The following BACH2 variants were observed in gnomAD, a reference collection of about 807,000 sequenced individuals.
The protein encoded by BACH2 is BACH transcriptional regulator 2.
Under a neutral mutation model 61.8 loss-of-function variants are expected in BACH2, and 5 were observed. The observed-to-expected ratio is 0.08, with a 90% CI of 0.04 to 0.17. The LOEUF is 0.17. Ranked by LOEUF, BACH2 falls within the 10% of genes least tolerant of loss-of-function variation. BACH2 has a pLI of 1.00. For missense variants in BACH2, 824 were observed against 1,091.1 expected, an observed-to-expected ratio of 0.76 and a Z score of 3.45; for synonymous variants, 446 against 440.1, an observed-to-expected ratio of 1.01 and a Z score of -0.17.
At position 90,085,968 on chromosome 6, in the gene BACH2, A is replaced by G. The variant is rs1274564536; in HGVS notation, c.-13+2993T>C. 3.3e-5 allele frequency among the ~76,000 whole-genome samples: 5 copies of G among 152,060 alleles called. No individual in the cohort carries two copies. In the South Asian group the frequency reaches 6.2e-4, roughly 19 times the overall value. ...CTTCCCAAACTGATACTTAATATCC[A>G]TTGAACAACAACTTTCAATTTTTCC... On this transcript the variant is annotated intron_variant, in intron 5 of 8. Transcript: ENST00000257749.
At chr6:90,014,468 A>ATATATATATTTT (rs1222156456) in intron 5 of BACH2, among the ~76,000 whole-genome samples, 1 of 32,306 alleles carries the variant, frequency 3.1e-5, no homozygotes, top group African/African-American at 2.1e-4. Context: ...ATATATATAT[A>ATATATATATTTT]TTTTTTTTTT....
At chr6:89,970,699 GC>G (rs141542844) in intron 6 of BACH2, among the ~76,000 whole-genome samples, 4 of 151,556 alleles carry the variant, frequency 2.6e-5, no homozygotes, top group Admixed American at 6.6e-5. Context: ...TTTGTTTCTG[GC>G]CCCCCCCAGA....
intron 4 of BACH2, among the ~76,000 whole-genome samples, chr6:90,112,226 A>AT (rs1462611727): frequency 6.6e-6 from 1 of 152,032 alleles, no homozygotes; most frequent in African/African-American, 2.4e-5. Flanking sequence ...TTATTTATTT[A>AT]TTTTTTTGAG....
At chr6:90,094,035 GA>G (rs1318623918) in intron 4 of BACH2, among the ~76,000 whole-genome samples, 1 of 152,212 alleles carries the variant, frequency 6.6e-6, no homozygotes, top group Non-Finnish European at 1.5e-5. Context: ...CCAGATATGG[GA>G]AATTATCTGT....
chr6:90,051,517 C>G (rs186146897), intron 5 of BACH2, among the ~76,000 whole-genome samples: 166 of 152,284 alleles, frequency 1.1e-3, no homozygotes, highest in African/African-American at 3.8e-3. Flanking sequence ...GTGAGAGAGA[C>G]TATGGCCCAC....
intron 5 of BACH2, chr6:90,080,795 T>A: frequency 6.1e-6 from 6 of 985,248 alleles, no homozygotes; most frequent in Non-Finnish European, 7.2e-6. Context: ...AGAGGAAATG[T>A]TCTTTCATCG....
intron 4 of BACH2, among the ~76,000 whole-genome samples, chr6:90,124,877 C>T (rs572799376): frequency 5.3e-5 from 8 of 152,312 alleles, no homozygotes; most frequent in African/African-American, 1.7e-4. Context: ...AGTGACCTTG[C>T]ACACGAATGC....
rs1451646565 is a variant in BACH2, at chr6:90,176,026, G to C, written c.-162+30543C>G. Among the ~76,000 whole-genome samples the C allele has an allele frequency of 2.0e-5, 3 of 152,122 alleles. No individual in the cohort carries two copies. In the East Asian group the frequency reaches 5.8e-4, roughly 29 times the overall value. ...GAAACTCCAATAAAGGCTGTGGCTG[G>C]CCCAAGCTCTCCCCTGGCTCCTGCC... On this transcript the variant is annotated intron_variant, in intron 4 of 8. Coordinates refer to ENST00000257749, the MANE Select transcript of BACH2 (RefSeq NM_021813.4).
At chr6:89,963,062 TA>T (rs1346988650) in intron 6 of BACH2, among the ~76,000 whole-genome samples, 1 of 152,058 alleles carries the variant, frequency 6.6e-6, no homozygotes, top group Admixed American at 6.6e-5. Flanking sequence ...ATAACCCAAC[TA>T]AAAGTAGGCA....
intron 3 of BACH2, among the ~76,000 whole-genome samples, chr6:90,233,727 G>A (rs1426091208): frequency 6.6e-6 from 1 of 152,170 alleles, no homozygotes; most frequent in African/African-American, 2.4e-5. Flanking sequence ...TTGAGGAACT[G>A]CTGGTGGCCA....
Position 90,194,462 on chromosome 6 carries a change from C to G in BACH2, c.-162+12107G>C, listed in dbSNP as rs1290421848. ...TTATAGAAAAGCTAGGATGATTCAG[C>G]CTGAGCTCAGAGCTCAATTTAGATC... On this transcript the variant is annotated intron_variant, in intron 4 of 8. Coordinates refer to ENST00000257749, the MANE Select transcript of BACH2 (RefSeq NM_021813.4). Among the ~76,000 whole-genome samples, 4 of 152,226 alleles carry G rather than the reference C, an allele frequency of 2.6e-5. No individual in the cohort carries two copies. In the South Asian group the frequency reaches 6.2e-4, roughly 24 times the overall value.
At chr6:89,992,803 C>T (rs987532642) in intron 6 of BACH2, among the ~76,000 whole-genome samples, 23 of 152,146 alleles carry the variant, frequency 1.5e-4, no homozygotes, top group African/African-American at 4.6e-4. Flanking sequence ...TGTATCTGCA[C>T]GAATCTACTA....
At chr6:89,958,479 G>C (rs1774550439) in intron 6 of BACH2, among the ~76,000 whole-genome samples, 1 of 152,242 alleles carries the variant, frequency 6.6e-6, no homozygotes, top group Non-Finnish European at 1.5e-5. Context: ...GATACTGACA[G>C]TGCCTGCCTT....
chr6:90,295,479 C>G (rs913994104), intron 1 of BACH2, among the ~76,000 whole-genome samples: 2 of 152,218 alleles, frequency 1.3e-5, no homozygotes, highest in Admixed American at 6.5e-5. Context: ...CCTAGGGTAG[C>G]CCGTGAGCGC....
intron 4 of BACH2, among the ~76,000 whole-genome samples, chr6:90,151,363 T>C (rs1784805259): frequency 6.6e-6 from 1 of 152,110 alleles, no homozygotes; most frequent in African/African-American, 2.4e-5. Flanking sequence ...CACCTTACTG[T>C]AGCCTCGACC....
At chr6:89,946,599 A>G (rs971551613) in intron 7 of BACH2, among the ~76,000 whole-genome samples, 9 of 152,228 alleles carry the variant, frequency 5.9e-5, no homozygotes, top group African/African-American at 1.9e-4. Context: ...GATTTACGAG[A>G]ACGAGAGATA....
chr6:90,120,583 C>T (rs1330634857), intron 4 of BACH2, among the ~76,000 whole-genome samples: 1 of 152,132 alleles, frequency 6.6e-6, no homozygotes, highest in Non-Finnish European at 1.5e-5. Context: ...CAAAGTGGGT[C>T]CCTATCTATG....
chr6:89,967,892 C>G (rs916590211), intron 6 of BACH2, among the ~76,000 whole-genome samples: 1 of 152,180 alleles, frequency 6.6e-6, no homozygotes, highest in African/African-American at 2.4e-5. Context: ...TGAGTTAATG[C>G]TTCTGACATG....
chr6:90,062,677 A>G (rs896354804), intron 5 of BACH2, among the ~76,000 whole-genome samples: 1 of 152,170 alleles, frequency 6.6e-6, no homozygotes, highest in Non-Finnish European at 1.5e-5. Context: ...TCTAAGCCAA[A>G]CAACCTCTTT....
Sources: allele counts gnomAD v4.1 joint callset (sites outside exome capture counted in the v4.1 genomes callset), GRCh38; gene constraint gnomAD v4.1.1; transcripts MANE v1.5; gene names NCBI Gene and HGNC (gene_info 2026-07-23, HGNC 2026-07-21).